FAM222A: variants seen among roughly 807,000 people sequenced by gnomAD.
FAM222A encodes family with sequence similarity 222 member A, also known as protein FAM222A.
Under a neutral mutation model 25.8 loss-of-function variants are expected in FAM222A, and 7 were observed. That is an observed-to-expected ratio of 0.27 (90% CI 0.15 to 0.51). The LOEUF (loss-of-function observed/expected upper bound fraction) is 0.51, where lower values mean the gene tolerates loss of function less well. FAM222A is among the 20% of genes least tolerant of loss of function. FAM222A has a pLI of 0.97. For synonymous variants in FAM222A, 294 were observed against 298.8 expected (o/e 0.98, Z 0.17); for missense variants, 573 against 640.5 (o/e 0.89, Z 1.14).
chr12:109,715,944 C>T (rs1327301814), intron 1 of FAM222A, among the ~76,000 whole-genome samples: 2 of 152,184 alleles, frequency 1.3e-5, no homozygotes, highest in African/African-American at 4.8e-5. Context: ...TGCAGAGGAG[C>T]TGCTGCCTGC....
chr12:109,723,004 G>T (rs554597366), intron 1 of FAM222A, among the ~76,000 whole-genome samples: 246 of 123,486 alleles, frequency 2.0e-3, no homozygotes, highest in Middle Eastern at 0.011. Flanking sequence ...GGAGCGGGTG[G>T]GGGGGGGAGG....
At chr12:109,756,349 C>A (rs1487470936) in intron 2 of FAM222A, among the ~76,000 whole-genome samples, 1 of 147,060 alleles carries the variant, frequency 6.8e-6, no homozygotes, top group African/African-American at 2.5e-5. Context: ...AAGATAATGT[C>A]ATCTGTGACT....
At chr12:109,766,102 C>T (rs1889042626) in intron 2 of FAM222A, among the ~76,000 whole-genome samples, 1 of 152,216 alleles carries the variant, frequency 6.6e-6, no homozygotes, top group Non-Finnish European at 1.5e-5. Context: ...GCCCCCGGCG[C>T]CTCCATTCCT....
rs78673149 is a variant in FAM222A at position 109,720,276 on chromosome 12, G to T, written c.-47+5379G>T. The stretch of plus-strand genomic sequence containing the variant: ...GTGAGGCCGAGACTAGCTGTGAACA[G>T]GCTCCCGGGGATGGGGACTTAATGA... On this transcript the variant is annotated intron_variant, in intron 1 of 2. Transcript: ENST00000538780. The T allele has an allele frequency of 1.1e-3, 811 of 754,128 alleles. 27 individuals carry two copies. In the East Asian group the frequency reaches 0.07, roughly 65 times the overall value. 46.7% of individuals were successfully genotyped at this position (754,128 alleles called of 1,614,324 possible). A position where few individuals can be genotyped will look rare whatever the true frequency, so the allele number is the denominator to read the frequency against.
At chr12:109,731,776 G>A (rs941013095) in intron 1 of FAM222A, among the ~76,000 whole-genome samples, 3 of 152,160 alleles carry the variant, frequency 2.0e-5, no homozygotes, top group African/African-American at 4.8e-5. Context: ...TGTGTGGAGG[G>A]GTTTGTCGGG....
At chr12:109,760,025 A>G (rs1237311259) in intron 2 of FAM222A, among the ~76,000 whole-genome samples, 1 of 152,140 alleles carries the variant, frequency 6.6e-6, no homozygotes, top group Non-Finnish European at 1.5e-5. Context: ...CCTGAGGGTC[A>G]GGAGAGCCAG....
At chr12:109,738,466 T>A (rs1888145156) in intron 1 of FAM222A, among the ~76,000 whole-genome samples, 1 of 152,176 alleles carries the variant, frequency 6.6e-6, no homozygotes, top group Non-Finnish European at 1.5e-5. Context: ...GTGAAGAGAC[T>A]TGAATTACAG....
In FAM222A at chr12:109,717,211, G is replaced by A. The variant is rs548610521; in HGVS notation, c.-47+2314G>A. 1.5e-3 allele frequency among the ~76,000 whole-genome samples: 232 copies of A among 152,332 alleles called. 1 individual carries two copies. Among genetic ancestry groups the A allele is most frequent in the African/African-American group, 5.4e-3 (223 of 41,566 alleles). ...CTCTTCCTATGACCTACAGGTCAGC[G>A]TTGAGTAGATTAACAACTTCCGCCC... On this transcript the variant is annotated intron_variant, in intron 1 of 2. Coordinates refer to ENST00000538780, the MANE Select transcript of FAM222A (RefSeq NM_032829.3).
chr12:109,768,777 T>G lies in FAM222A; in HGVS notation c.848T>G (p.Leu283Arg), dbSNP rs1216069371. The change falls in exon 3 of 3, where the codon CTG (leucine) becomes CGG (arginine). Residue 283 changes from leucine to arginine, a missense_variant. Around this residue, in one of 3 missense-constraint regions of FAM222A, gnomAD observed 412 missense variants for 407.0 expected, o/e 1.01. Transcript: ENST00000538780. ...CCTGCAGGGTACGCAGACAGCGGCC[T>G]GGATTACCTGCTGTGGCCGCAGAAA... Reference protein sequence around the residue: ...AKPAGYADSGLDYLLWPQKPP... With the variant: ...AKPAGYADSGRDYLLWPQKPP... The G allele has an allele frequency of 1.3e-6, 2 of 1,579,572 alleles. No homozygotes were observed. The highest frequency in any genetic ancestry group is 1.1e-5 in the South Asian group (1 of 88,034).
chr12:109,727,990 C>T (rs186425840), intron 1 of FAM222A, among the ~76,000 whole-genome samples: 1 of 152,298 alleles, frequency 6.6e-6, no homozygotes, highest in East Asian at 1.9e-4. Context: ...GTTCAACCCG[C>T]TCTGAGCCTC....
intron 1 of FAM222A, among the ~76,000 whole-genome samples, chr12:109,741,350 G>A (rs1002653010): frequency 6.6e-6 from 1 of 152,180 alleles, no homozygotes; most frequent in South Asian, 2.1e-4. Flanking sequence ...GAGGATGTAG[G>A]CAGCTGCCCT....
At chr12:109,716,004 G>A (rs1482486025) in intron 1 of FAM222A, among the ~76,000 whole-genome samples, 2 of 152,186 alleles carry the variant, frequency 1.3e-5, no homozygotes, top group Non-Finnish European at 2.9e-5. Flanking sequence ...CAAGGTCAGG[G>A]GCCTTGGCCA....
chr12:109,730,556 C>T (rs1887928655), intron 1 of FAM222A, among the ~76,000 whole-genome samples: 1 of 152,160 alleles, frequency 6.6e-6, no homozygotes, highest in Non-Finnish European at 1.5e-5. Context: ...TCAGATACTC[C>T]TTTTTCTGGG....
rs188479183 is a variant in FAM222A at position 109,758,521 on chromosome 12, T to C, written c.83-9491T>C. On this transcript the variant is annotated intron_variant, in intron 2 of 2. Transcript: ENST00000538780. ...GGCCCTCAGGCTACCACCCTAGTCA[T>C]TCGGCTGGGGCAGGGTCCCTGGGAC... Among the ~76,000 whole-genome samples, 839 of 152,204 alleles carry C rather than the reference T, an allele frequency of 5.5e-3. 11 individuals are homozygous for C. The highest frequency in any genetic ancestry group is 0.019 in the African/African-American group (769 of 41,534).
At chr12:109,734,328 C>T (rs4766484) in intron 1 of FAM222A, 27,600 of 151,686 alleles carry the variant, frequency 0.18, 2,709 homozygotes, top group Middle Eastern at 0.28. Context: ...GGCAGGGGGG[C>T]GATGGGGCAC....
intron 1 of FAM222A, among the ~76,000 whole-genome samples, chr12:109,716,905 G>A (rs543378003): frequency 1.9e-4 from 29 of 152,340 alleles, no homozygotes; most frequent in Admixed American, 5.9e-4. Context: ...CCTTGGAGTG[G>A]CTCATACGCT....
intron 1 of FAM222A, among the ~76,000 whole-genome samples, chr12:109,736,853 G>A (rs915482285): frequency 8.5e-5 from 13 of 152,238 alleles, no homozygotes; most frequent in African/African-American, 3.1e-4. Context: ...GCCCAGGAAT[G>A]GCCACCTACC....
intron 1 of FAM222A, among the ~76,000 whole-genome samples, chr12:109,727,441 C>T (rs1224978771): frequency 6.6e-6 from 1 of 152,184 alleles, no homozygotes; most frequent in Non-Finnish European, 1.5e-5. Context: ...AGCTCTGCCT[C>T]CTTCTCTGAC....
At position 109,744,139 on chromosome 12, in the gene FAM222A, G is replaced by T; in HGVS notation, c.-8G>T. Reference sequence around the variant, plus strand: ...GAGCGCACCCCACTGGGGACCCCCAGCTCAGCCATGCTGGCCTGTCTGCAG... The same window carrying T: ...GAGCGCACCCCACTGGGGACCCCCATCTCAGCCATGCTGGCCTGTCTGCAG... On this transcript the variant is annotated 5_prime_UTR_variant, in exon 2 of 3. Coordinates refer to ENST00000538780, the MANE Select transcript of FAM222A (RefSeq NM_032829.3). 1 of 1,612,358 alleles carries T rather than the reference G, an allele frequency of 6.2e-7. No homozygotes were observed. Among genetic ancestry groups the T allele is most frequent in the Non-Finnish European group, 8.5e-7 (1 of 1,179,782 alleles).
Sources: gnomAD v4.1 joint callset for allele counts (sites outside exome capture counted in the v4.1 genomes callset) on GRCh38, gnomAD v4.1.1 for gene constraint, gnomAD v4.1.1 regional missense constraint, MANE v1.5 for transcripts, NCBI Gene and HGNC (gene_info 2026-07-23, HGNC 2026-07-21) for gene names.